Variants in SHISAL2B observed in about 807,000 individuals in gnomAD.
SHISAL2B encodes shisa like 2B, also known as protein shisa-like-2B.
SHISAL2B carries 12 observed loss-of-function variants against 16.5 expected under a neutral mutation model. That is an observed-to-expected ratio of 0.73 (90% CI 0.47 to 1.18). The LOEUF (loss-of-function observed/expected upper bound fraction) is 1.18. Ranked by LOEUF, SHISAL2B falls within the 50% of genes most tolerant of loss-of-function variation. The pLI, the probability that SHISAL2B is intolerant of heterozygous loss-of-function variation, is 0.00. For missense variants in SHISAL2B, 183 were observed against 193.6 expected, an observed-to-expected ratio of 0.95 and a Z score of 0.33; for synonymous variants, 72 against 75.0, an observed-to-expected ratio of 0.96 and a Z score of 0.21.
At chr5:64,705,892 C>T (rs1288243643) in intron 2 of SHISAL2B, among the ~76,000 whole-genome samples, 2 of 152,156 alleles carry the variant, frequency 1.3e-5, no homozygotes, top group African/African-American at 4.8e-5. Flanking sequence ...GGTGCAGTGG[C>T]TCACACCTGT....
intron 2 of SHISAL2B, among the ~76,000 whole-genome samples, chr5:64,714,915 C>T (rs942755045): frequency 6.6e-6 from 1 of 152,148 alleles, no homozygotes; most frequent in Non-Finnish European, 1.5e-5. Flanking sequence ...ACGGTGCGTG[C>T]ACCCACTGGC....
rs557937268 is a variant in SHISAL2B at position 64,700,976 on chromosome 5, G to C, written c.349+5312G>C. Among the ~76,000 whole-genome samples, 5 of 152,350 alleles carry C rather than the reference G, an allele frequency of 3.3e-5. No homozygotes were observed. In the East Asian group the frequency reaches 9.6e-4, roughly 29 times the overall value. ...AGGTGGAGCGGAAGCAGTAATGCTT[G>C]CTTGCCCTTTGCTCACCTCCTGCTG... is the stretch of plus-strand genomic sequence containing the variant. On this transcript the variant is annotated intron_variant, in intron 2 of 2. Transcript: ENST00000389074.
intron 2 of SHISAL2B, among the ~76,000 whole-genome samples, chr5:64,696,584 G>T (rs532250252): frequency 5.9e-5 from 9 of 152,188 alleles, no homozygotes; most frequent in East Asian, 3.9e-4. Context: ...ATGCATTCCT[G>T]GGGGGAGGTC....
In SHISAL2B at chr5:64,690,799, A is replaced by G. The variant is rs1741631808; in HGVS notation, c.176A>G (p.Tyr59Cys). Residue 59 changes from tyrosine (Y) to cysteine (C), a missense_variant, in exon 1 of 3, where the codon TAC becomes TGC. By Grantham distance (194) the Tyr-to-Cys change is radical (BLOSUM62 -2). Coordinates refer to ENST00000389074, the MANE Select transcript of SHISAL2B (RefSeq NM_001164442.2). ...PGSYFPYKHS[Y>C]MWSLSIGALI... ...AGCTACTTCCCCTACAAGCACAGCTACATGTGGAGCCTCAGGTGGGCTGAG... is the reference window on the plus strand; with the variant it reads ...AGCTACTTCCCCTACAAGCACAGCTGCATGTGGAGCCTCAGGTGGGCTGAG... 3 of 1,537,854 alleles carry G rather than the reference A, an allele frequency of 2.0e-6. No individual in the cohort carries two copies. The highest frequency in any genetic ancestry group is 1.4e-5 in the African/African-American group (1 of 72,616).
At chr5:64,696,126 T>C (rs1741730096) in intron 2 of SHISAL2B, among the ~76,000 whole-genome samples, 2 of 152,246 alleles carry the variant, frequency 1.3e-5, no homozygotes, top group African/African-American at 4.8e-5. Flanking sequence ...AATACTTTTA[T>C]AATTTCTTAT....
rs537200531 is a variant in SHISAL2B at position 64,699,436 on chromosome 5, C to T, written c.349+3772C>T. On this transcript the variant is annotated intron_variant, in intron 2 of 2. Coordinates refer to ENST00000389074, the MANE Select transcript of SHISAL2B (RefSeq NM_001164442.2). ...TACCCTTCGTTAAATATGCATGTTC[C>T]GTTCCAATGATTCTACTACCTAGCA... Among the ~76,000 whole-genome samples the T allele has an allele frequency of 1.4e-4, 22 of 152,292 alleles. No individual in the cohort carries two copies. The East Asian group carries it at 3.5e-3, about 24-fold the overall frequency.
intron 1 of SHISAL2B, among the ~76,000 whole-genome samples, chr5:64,693,483 G>T (rs1279406581): frequency 6.6e-6 from 1 of 152,190 alleles, no homozygotes; most frequent in Non-Finnish European, 1.5e-5. Context: ...GTATGTGGAA[G>T]TTAATTAAAC....
At chr5:64,700,876 A>G (rs1183063614) in intron 2 of SHISAL2B, among the ~76,000 whole-genome samples, 1 of 152,208 alleles carries the variant, frequency 6.6e-6, no homozygotes, top group Admixed American at 6.5e-5. Context: ...AGCACAACCT[A>G]GATCCCTCAC....
intron 2 of SHISAL2B, among the ~76,000 whole-genome samples, chr5:64,706,090 G>A (rs1580523750): frequency 6.6e-6 from 1 of 152,214 alleles, no homozygotes; most frequent in Non-Finnish European, 1.5e-5. Flanking sequence ...AACCCAGGAG[G>A]TAGAGGTTAC....
intron 2 of SHISAL2B, among the ~76,000 whole-genome samples, chr5:64,717,328 C>T (rs1742070736): frequency 6.6e-6 from 1 of 152,182 alleles, no homozygotes; most frequent in South Asian, 2.1e-4. Flanking sequence ...CTTTTCCTAA[C>T]ACTGTTCATT....
intron 2 of SHISAL2B, among the ~76,000 whole-genome samples, chr5:64,705,504 A>T (rs915479589): frequency 6.6e-6 from 1 of 152,214 alleles, no homozygotes; most frequent in African/African-American, 2.4e-5. Flanking sequence ...TTCAAAAAAA[A>T]TTAAAATTTT....
In SHISAL2B at chr5:64,690,556, G is replaced by A; in HGVS notation, c.-68G>A. 3.1e-6 allele frequency: 4 copies of A among 1,300,160 alleles called. No homozygotes were observed. Among genetic ancestry groups the A allele is most frequent in the Non-Finnish European group, 4.0e-6 (4 of 996,730 alleles). The allele number at this position is 1,300,160 out of a possible 1,614,324, so 80.5% of individuals were successfully genotyped here. A position where few individuals can be genotyped will look rare whatever the true frequency, so the allele number is the denominator to read the frequency against. On this transcript the variant is annotated 5_prime_UTR_variant, in exon 1 of 3. Transcript: ENST00000389074. ...GGCAGAGGGGTCCGCGGGCTCTGGAGGTGCTGGACGGGTGCGATCCGAGAG... is the reference window on the plus strand; with the variant it reads ...GGCAGAGGGGTCCGCGGGCTCTGGAAGTGCTGGACGGGTGCGATCCGAGAG...
intron 2 of SHISAL2B, among the ~76,000 whole-genome samples, chr5:64,707,355 G>A (rs1741888198): frequency 6.6e-6 from 1 of 152,044 alleles, no homozygotes; most frequent in Admixed American, 6.6e-5. Context: ...GATAACTTGG[G>A]CCTCCTGGGC....
intron 2 of SHISAL2B, among the ~76,000 whole-genome samples, chr5:64,699,204 G>T (rs1377258084): frequency 6.6e-6 from 1 of 152,158 alleles, no homozygotes; most frequent in African/African-American, 2.4e-5. Flanking sequence ...TTTCCCAAAT[G>T]CATGCTATTG....
chr5:64,700,668 C>T (rs1741796555), intron 2 of SHISAL2B, among the ~76,000 whole-genome samples: 2 of 152,080 alleles, frequency 1.3e-5, no homozygotes, highest in African/African-American at 4.8e-5. Context: ...CTGTGTCAGC[C>T]TACCAAAGTG....
At chr5:64,703,708 G>T (rs1366388619) in intron 2 of SHISAL2B, among the ~76,000 whole-genome samples, 2 of 152,090 alleles carry the variant, frequency 1.3e-5, no homozygotes, top group Admixed American at 6.5e-5. Context: ...GAAAGAAAAA[G>T]GTGAATTCTG....
chr5:64,702,920 T>C (rs1741829050), intron 2 of SHISAL2B, among the ~76,000 whole-genome samples: 1 of 152,208 alleles, frequency 6.6e-6, no homozygotes, highest in South Asian at 2.1e-4. Context: ...TTTTGTTAAA[T>C]TGATCCATTT....
chr5:64,709,160 T>C (rs1741915906), intron 2 of SHISAL2B, among the ~76,000 whole-genome samples: 1 of 144,414 alleles, frequency 6.9e-6, no homozygotes. Flanking sequence ...TAGCATTAGG[T>C]ATATCTCCCA....
At chr5:64,697,046 AC>A (rs1741748496) in intron 2 of SHISAL2B, among the ~76,000 whole-genome samples, 2 of 152,106 alleles carry the variant, frequency 1.3e-5, no homozygotes, top group Admixed American at 1.3e-4. Flanking sequence ...ATGTGATGTC[AC>A]CCCTGGAGGC....
Sources: allele counts gnomAD v4.1 joint callset (sites outside exome capture counted in the v4.1 genomes callset), GRCh38; gene constraint gnomAD v4.1.1; transcripts MANE v1.5; gene names NCBI Gene and HGNC (gene_info 2026-07-23, HGNC 2026-07-21).